The following CADM2 variants were observed in gnomAD, a reference collection of about 807,000 sequenced individuals.
The protein encoded by CADM2 is cell adhesion molecule 2.
In CADM2, 12 loss-of-function variants were observed where a neutral mutation model predicts 49.8. That is an observed-to-expected ratio of 0.24 (90% CI 0.15 to 0.39). The LOEUF (loss-of-function observed/expected upper bound fraction) is 0.39, where lower values mean the gene tolerates loss of function less well. Ranked by LOEUF, CADM2 falls within the 10% of genes least tolerant of loss-of-function variation. The pLI is 1.00. For missense variants in CADM2, 378 were observed against 492.3 expected (o/e 0.77, Z 2.20); for synonymous variants, 214 against 175.4 (o/e 1.22, Z -1.74).
chr3:85,400,128 T>C (rs1225126138), intron 1 of CADM2, among the ~76,000 whole-genome samples: 4 of 152,172 alleles, frequency 2.6e-5, no homozygotes, highest in Non-Finnish European at 4.4e-5. Flanking sequence ...GTCCCATCAA[T>C]ACCTAATTTA....
chr3:85,669,289 G>A (rs572675528), intron 1 of CADM2, among the ~76,000 whole-genome samples: 6 of 152,132 alleles, frequency 3.9e-5, no homozygotes, highest in Admixed American at 2.0e-4. Flanking sequence ...TTTCCCTGAG[G>A]CCAAAACAAT....
chr3:85,900,999 T>G (rs1716045228), intron 5 of CADM2, among the ~76,000 whole-genome samples: 1 of 152,090 alleles, frequency 6.6e-6, no homozygotes, highest in Non-Finnish European at 1.5e-5. Context: ...TTTACTAAAA[T>G]TAACTCGCTA....
intron 1 of CADM2, among the ~76,000 whole-genome samples, chr3:85,173,590 C>G (rs1371998989): frequency 6.6e-6 from 1 of 152,024 alleles, no homozygotes; most frequent in Admixed American, 6.6e-5. Context: ...TACACGTATA[C>G]AAGTATATTT....
At chr3:85,220,655 T>C (rs2042024028) in intron 1 of CADM2, among the ~76,000 whole-genome samples, 1 of 152,138 alleles carries the variant, frequency 6.6e-6, no homozygotes, top group South Asian at 2.1e-4. Context: ...AATACTGTAT[T>C]CAGTCATTAG....
chr3:85,216,371 ATAT>A (rs1429439487), intron 1 of CADM2, among the ~76,000 whole-genome samples: 3 of 147,480 alleles, frequency 2.0e-5, no homozygotes, highest in Non-Finnish European at 4.5e-5. Flanking sequence ...AATATATTTA[ATAT>A]TAATGTACAC....
At chr3:85,462,308 T>C (rs985371490) in intron 1 of CADM2, among the ~76,000 whole-genome samples, 1 of 152,198 alleles carries the variant, frequency 6.6e-6, no homozygotes, top group African/African-American at 2.4e-5. Context: ...CCCCCAGGAA[T>C]AGAACAGCTG....
intron 1 of CADM2, among the ~76,000 whole-genome samples, chr3:85,615,569 T>TACTGTCTTTCTTTCCTTTC (rs2063780809): frequency 2.6e-5 from 4 of 151,972 alleles, no homozygotes; most frequent in Non-Finnish European, 5.9e-5. Flanking sequence ...TCTTTCCTTT[T>TACTGTCTTTCTTTCCTTTC]ATTGTCTTTC....
At chr3:85,551,875 A>G (rs1317565064) in intron 1 of CADM2, among the ~76,000 whole-genome samples, 2 of 152,210 alleles carry the variant, frequency 1.3e-5, no homozygotes, top group Admixed American at 1.3e-4. Context: ...TGATAATTCA[A>G]TTTTGTCCTG....
chr3:85,422,797 G>T (rs573652017), intron 1 of CADM2, among the ~76,000 whole-genome samples: 1 of 152,050 alleles, frequency 6.6e-6, no homozygotes, highest in African/African-American at 2.4e-5. Flanking sequence ...AGAACACACA[G>T]GTGAGCAGGT....
At chr3:85,856,830 T>C (rs1474342952) in intron 3 of CADM2, among the ~76,000 whole-genome samples, 1 of 143,098 alleles carries the variant, frequency 7.0e-6, no homozygotes, top group Non-Finnish European at 1.6e-5. Context: ...AAAGAGTCAC[T>C]GCTTAGGAAA....
intron 1 of CADM2, among the ~76,000 whole-genome samples, chr3:85,418,743 T>C (rs1253632397): frequency 6.6e-6 from 1 of 152,152 alleles, no homozygotes; most frequent in African/African-American, 2.4e-5. Context: ...ATTTTACATG[T>C]ATACTTCACT....
intron 1 of CADM2, among the ~76,000 whole-genome samples, chr3:85,709,849 A>C (rs899558922): frequency 2.0e-5 from 3 of 152,104 alleles, no homozygotes; most frequent in African/African-American, 7.2e-5. Flanking sequence ...AATCTCTTTG[A>C]AAAGGGGGTT....
chr3:85,800,982 A>G lies in CADM2; in HGVS notation c.89-1065A>G, dbSNP rs2071991925. The G allele has an allele frequency of 2.6e-5, 4 of 152,206 alleles. No individual in the cohort carries two copies. The South Asian group carries it at 8.3e-4, about 32-fold the overall frequency. The allele number at this position is 152,206 out of a possible 1,614,324, so 9.4% of individuals were successfully genotyped here. A position where few individuals can be genotyped will look rare whatever the true frequency, so the allele number is the denominator to read the frequency against. ...GAAGAAAAGGAAATATATTTCATGG[A>G]TGTGATTAAGTCATTATAGTGTTCT... On this transcript the variant is annotated intron_variant, in intron 2 of 9. Transcript: ENST00000383699.
intron 1 of CADM2, among the ~76,000 whole-genome samples, chr3:85,299,573 T>C (rs979583488): frequency 1.7e-4 from 26 of 152,022 alleles, no homozygotes; most frequent in Admixed American, 1.6e-3. Flanking sequence ...TAGTCTTAAG[T>C]GTGCTAGTTT....
chr3:85,203,602 T>C (rs1416432457), intron 1 of CADM2, among the ~76,000 whole-genome samples: 1 of 152,144 alleles, frequency 6.6e-6, no homozygotes, highest in Non-Finnish European at 1.5e-5. Flanking sequence ...GACAAAGATA[T>C]GAAGTGAGCA....
intron 1 of CADM2, among the ~76,000 whole-genome samples, chr3:85,265,694 G>A (rs72917196): frequency 0.068 from 10,393 of 151,920 alleles, 1,172 homozygotes; most frequent in African/African-American, 0.24. Context: ...CATTCAAACC[G>A]TAGCACTCAT....
intron 1 of CADM2, among the ~76,000 whole-genome samples, chr3:85,112,109 A>T (rs1413370730): frequency 6.6e-6 from 1 of 151,936 alleles, no homozygotes; most frequent in African/African-American, 2.4e-5. Context: ...TTACAAAGTT[A>T]TAGATCAAGG....
intron 1 of CADM2, among the ~76,000 whole-genome samples, chr3:85,437,923 T>A (rs1222141297): frequency 6.6e-6 from 1 of 152,008 alleles, no homozygotes; most frequent in Non-Finnish European, 1.5e-5. Context: ...ACATTATCAT[T>A]ACAGAAAAGT....
intron 1 of CADM2, among the ~76,000 whole-genome samples, chr3:85,659,170 T>C (rs1331987636): frequency 1.3e-5 from 2 of 151,690 alleles, no homozygotes; most frequent in Non-Finnish European, 2.9e-5. Context: ...GGTTTTCCTG[T>C]CTGTGTCTTA....
Sources: gnomAD v4.1 joint callset for allele counts (sites outside exome capture counted in the v4.1 genomes callset) on GRCh38, gnomAD v4.1.1 for gene constraint, MANE v1.5 for transcripts, NCBI Gene and HGNC (gene_info 2026-07-23, HGNC 2026-07-21) for gene names.